The following COL5A2 variants were observed in gnomAD, a reference collection of about 807,000 sequenced individuals.
COL5A2 encodes the protein collagen alpha-2(V) chain.
Under a neutral mutation model 208.2 loss-of-function variants are expected in COL5A2, and 23 were observed. The observed-to-expected ratio is 0.11, with a 90% CI of 0.08 to 0.16. COL5A2 has a LOEUF of 0.16. COL5A2 is among the 10% of genes least tolerant of loss of function. The pLI is 1.00. For missense variants in COL5A2, 1,590 were observed against 1,956.4 expected, an observed-to-expected ratio of 0.81 and a Z score of 3.53; for synonymous variants, 625 against 628.5, an observed-to-expected ratio of 0.99 and a Z score of 0.08.
the COL5A2 span, among the ~76,000 whole-genome samples, chr2:189,354,659 T>C: frequency 2.0e-5 from 3 of 152,302 alleles, no homozygotes; most frequent in Non-Finnish European, 2.9e-5. Flanking sequence ...ATCTATTTGA[T>C]TCTTCTCTCT....
intron 1 of COL5A2, among the ~76,000 whole-genome samples, chr2:189,111,167 G>A (rs1265115462): frequency 6.6e-6 from 1 of 151,968 alleles, no homozygotes; most frequent in Non-Finnish European, 1.5e-5. Context: ...ATATATATTT[G>A]TCTAGTGCTT....
the COL5A2 span, among the ~76,000 whole-genome samples, chr2:189,392,405 T>TAATCATATCAAATGATTA: frequency 6.6e-6 from 1 of 152,188 alleles, no homozygotes; most frequent in Non-Finnish European, 1.5e-5. Context: ...ATTATCCTAG[T>TAATCATATCAAATGATTA]CTTTCACAAT....
At chr2:189,112,742 G>A (rs1483862425) in intron 1 of COL5A2, among the ~76,000 whole-genome samples, 1 of 152,030 alleles carries the variant, frequency 6.6e-6, no homozygotes, top group African/African-American at 2.4e-5. Context: ...TTAAAACCAA[G>A]GGGAAAATAG....
upstream of COL5A2, among the ~76,000 whole-genome samples, chr2:189,183,386 T>C (rs1174081366): frequency 2.0e-5 from 3 of 152,224 alleles, no homozygotes; most frequent in African/African-American, 7.2e-5. Flanking sequence ...TTTTCCCTTG[T>C]TGCCCATTGA....
At chr2:189,047,262 T>A (rs1170233784) in intron 45 of COL5A2, among the ~76,000 whole-genome samples, 1 of 152,222 alleles carries the variant, frequency 6.6e-6, no homozygotes, top group Non-Finnish European at 1.5e-5. Context: ...ATTTTCATAA[T>A]TACTTCAGCA....
the COL5A2 span, among the ~76,000 whole-genome samples, chr2:189,252,088 T>C: frequency 6.6e-6 from 1 of 152,052 alleles, no homozygotes; most frequent in African/African-American, 2.4e-5. Flanking sequence ...GTTAGAATGG[T>C]GATCATGAAA....
chr2:189,063,551 T>C (rs1015015937), intron 26 of COL5A2, among the ~76,000 whole-genome samples: 1 of 152,216 alleles, frequency 6.6e-6, no homozygotes, highest in African/African-American at 2.4e-5. Context: ...TCATTTACTC[T>C]GGTTTGTGGT....
At chr2:189,410,895 T>C in the COL5A2 span, among the ~76,000 whole-genome samples, 1 of 152,212 alleles carries the variant, frequency 6.6e-6, no homozygotes, top group African/African-American at 2.4e-5. Context: ...TATGTCAAAG[T>C]ACTTTAAAAT....
chr2:189,083,529 T>TA (rs1243030292), intron 12 of COL5A2, among the ~76,000 whole-genome samples: 1 of 152,028 alleles, frequency 6.6e-6, no homozygotes, highest in Non-Finnish European at 1.5e-5. Context: ...CTCTAGTTGA[T>TA]AAAAAACAAG....
the COL5A2 span, among the ~76,000 whole-genome samples, chr2:189,280,610 C>T: frequency 7.9e-5 from 12 of 152,094 alleles, no homozygotes; most frequent in African/African-American, 2.7e-4. Flanking sequence ...TCATTATAGC[C>T]CCAAAATGAG....
At chr2:189,272,163 A>G in the COL5A2 span, among the ~76,000 whole-genome samples, 1 of 152,208 alleles carries the variant, frequency 6.6e-6, no homozygotes, top group Non-Finnish European at 1.5e-5. Flanking sequence ...ATTACTGGGC[A>G]TATACCCAAA....
chr2:189,434,950 A>C, the COL5A2 span, among the ~76,000 whole-genome samples: 1 of 152,224 alleles, frequency 6.6e-6, no homozygotes, highest in Non-Finnish European at 1.5e-5. Context: ...CAGTAACTAA[A>C]ACAGCATGGT....
the COL5A2 span, among the ~76,000 whole-genome samples, chr2:189,329,099 T>C: frequency 2.0e-5 from 3 of 151,732 alleles, no homozygotes; most frequent in Non-Finnish European, 4.4e-5. Context: ...GGGAAGTGAG[T>C]AAAGAAAATG....
chr2:189,381,468 C>A, the COL5A2 span, among the ~76,000 whole-genome samples: 2 of 151,806 alleles, frequency 1.3e-5, no homozygotes, highest in African/African-American at 4.8e-5. Context: ...GAAAGATGTT[C>A]TATATTATAT....
At chr2:189,440,645 T>C in the COL5A2 span, among the ~76,000 whole-genome samples, 43 of 152,162 alleles carry the variant, frequency 2.8e-4, no homozygotes, top group African/African-American at 9.7e-4. Flanking sequence ...GGCAACATAA[T>C]ATACAGGGTC....
chr2:189,096,553 C>T (rs1023996358), intron 6 of COL5A2, among the ~76,000 whole-genome samples: 7 of 139,816 alleles, frequency 5.0e-5, no homozygotes, highest in South Asian at 2.3e-4. Flanking sequence ...ACCAGGGAGG[C>T]GGAGCTTGCA....
chr2:189,233,196 C>A, the COL5A2 span, among the ~76,000 whole-genome samples: 9 of 151,632 alleles, frequency 5.9e-5, no homozygotes, highest in African/African-American at 2.2e-4. Flanking sequence ...CATTGTTTTC[C>A]TGTTGGCATC....
At chr2:189,236,524 C>T in the COL5A2 span, among the ~76,000 whole-genome samples, 1 of 151,740 alleles carries the variant, frequency 6.6e-6, no homozygotes, top group Non-Finnish European at 1.5e-5. Context: ...ACATCCTCTC[C>T]AACACTTGAC....
chr2:189,263,986 T>C, the COL5A2 span, among the ~76,000 whole-genome samples: 4,939 of 152,154 alleles, frequency 0.032, 85 homozygotes, highest in Admixed American at 0.047. Flanking sequence ...AGAAAATAAA[T>C]CAAAAGTCAA....
Sources: gnomAD v4.1 joint callset for allele counts (sites outside exome capture counted in the v4.1 genomes callset) on GRCh38, gnomAD v4.1.1 for gene constraint, MANE v1.5 for transcripts, NCBI Gene and HGNC (gene_info 2026-07-23, HGNC 2026-07-21) for gene names.